The following ABCB7 variants were observed in gnomAD, a reference collection of about 807,000 sequenced individuals.
ABCB7 encodes the protein iron-sulfur clusters transporter ABCB7, mitochondrial.
In ABCB7, 7 loss-of-function variants were observed where a neutral mutation model predicts 54.4. The ratio of observed to expected loss-of-function variants is 0.13; its 90% confidence interval spans 0.07 to 0.24. The LOEUF (loss-of-function observed/expected upper bound fraction) is 0.24, where lower values mean the gene tolerates loss of function less well. Ranked by LOEUF, ABCB7 falls within the 10% of genes least tolerant of loss-of-function variation. The pLI is 1.00. For missense variants in ABCB7, 356 were observed against 570.4 expected, an observed-to-expected ratio of 0.62 and a Z score of 3.83; for synonymous variants, 218 against 207.1, an observed-to-expected ratio of 1.05 and a Z score of -0.45.
At chrX:75,125,825 T>C (rs1602397373) in intron 1 of ABCB7, among the ~76,000 whole-genome samples, 1 of 110,501 alleles carries the variant, frequency 9.0e-6, no homozygotes. Flanking sequence ...TCAAAAAATA[T>C]GGTAAAGCCA....
intron 15 of ABCB7, among the ~76,000 whole-genome samples, chrX:75,058,629 G>A: frequency 9.0e-6 from 1 of 111,647 alleles, no homozygotes; most frequent in Non-Finnish European, 1.9e-5. Flanking sequence ...ATAATAAAGA[G>A]ATTCTTGTTT....
rs183045784 is a variant in ABCB7, at chrX:75,142,434, G to A, written c.168+13671C>T. 2.4e-3 allele frequency among the ~76,000 whole-genome samples: 269 copies of A among 111,583 alleles called. 2 individuals carry two copies. The highest frequency in any genetic ancestry group is 7.9e-3 in the African/African-American group (243 of 30,743). On this transcript the variant is annotated intron_variant, in intron 1 of 15. Transcript: ENST00000373394. The stretch of plus-strand genomic sequence containing the variant: ...TGCAGTTGATTGAATCCACAGATGC[G>A]GAACCCATGGATATGGAGGGCCAAC...
intron 1 of ABCB7, among the ~76,000 whole-genome samples, chrX:75,140,509 T>C (rs1468191310): frequency 2.8e-5 from 3 of 108,474 alleles, no homozygotes; most frequent in Non-Finnish European, 5.6e-5. Flanking sequence ...AAATTCTTCA[T>C]ATTAAAATCA....
Position 75,069,091 on chromosome X carries a change from T to G in ABCB7, c.1575A>C (p.Gln525His). Residue 525 changes from glutamine (Q) to histidine (H), a missense_variant, in exon 12 of 16, where the codon CAA becomes CAC. Gln to His is a conservative substitution (Grantham distance 24, BLOSUM62 0). Coordinates refer to ENST00000373394, the MANE Select transcript of ABCB7 (RefSeq NM_001271696.3). Reference sequence around the variant, plus strand: ...GACCAGCAAGATAAATGCTACCCTTTTGAGGCTCATAGAAGCGAAATAATA... The same window carrying G: ...GACCAGCAAGATAAATGCTACCCTTGTGAGGCTCATAGAAGCGAAATAATA... Reference protein sequence around the residue: ...VRLLFRFYEPQKGSIYLAGQN... With the variant: ...VRLLFRFYEPHKGSIYLAGQN... 2 of 1,209,502 alleles carry G rather than the reference T, an allele frequency of 1.7e-6. No homozygotes were observed. The highest frequency in any genetic ancestry group is 2.2e-6 in the Non-Finnish European group (2 of 893,300).
At chrX:75,064,835 C>T (rs1043678765) in intron 13 of ABCB7, among the ~76,000 whole-genome samples, 1 of 103,003 alleles carries the variant, frequency 9.7e-6, no homozygotes, top group Non-Finnish European at 1.9e-5. Flanking sequence ...TAATATCAAA[C>T]ACCTACAGTG....
At chrX:75,110,835 A>C (rs1272945630) in intron 3 of ABCB7, among the ~76,000 whole-genome samples, 2 of 112,315 alleles carry the variant, frequency 1.8e-5, no homozygotes, top group African/African-American at 6.5e-5. Flanking sequence ...CAAATACTGA[A>C]ATTGCCACTC....
At chrX:75,105,389 A>G (rs1358690427) in intron 3 of ABCB7, among the ~76,000 whole-genome samples, 1 of 111,353 alleles carries the variant, frequency 9.0e-6, no homozygotes, top group Non-Finnish European at 1.9e-5. Flanking sequence ...CAGAGAACCA[A>G]TCAAGAGCTC....
At chrX:75,094,114 T>C (rs1039523946) in intron 4 of ABCB7, among the ~76,000 whole-genome samples, 9 of 103,059 alleles carry the variant, frequency 8.7e-5, no homozygotes, top group Non-Finnish European at 1.7e-4. Flanking sequence ...TCACCTGTTA[T>C]ACTTTATATA....
intron 10 of ABCB7, among the ~76,000 whole-genome samples, 182 bp from the exon 11 acceptor site, chrX:75,069,636 TA>T (rs942835424): frequency 9.0e-6 from 1 of 111,025 alleles, no homozygotes; most frequent in African/African-American, 3.3e-5. Context: ...ATGGCTAAGG[TA>T]AAACAAACCC....
chrX:75,104,047 G>GTTTTTTTTGTTTTTTTTTTTTTTTTT (rs2081664100), intron 3 of ABCB7, among the ~76,000 whole-genome samples: 6 of 13,446 alleles, frequency 4.5e-4, no homozygotes, highest in Non-Finnish European at 1.0e-3. Context: ...TCTTGTTACA[G>GTTTTTTTTGTTTTTTTTTTTTTTTTT]TTTTTTTTTT....
At chrX:75,151,613 G>T (rs1453399371) in intron 1 of ABCB7, among the ~76,000 whole-genome samples, 1 of 111,705 alleles carries the variant, frequency 9.0e-6, no homozygotes, top group Non-Finnish European at 1.9e-5. Context: ...AGTAAACTAG[G>T]ATCACAAAGT....
At chrX:75,064,543 G>A (rs2081303771) in intron 13 of ABCB7, among the ~76,000 whole-genome samples, 1 of 111,088 alleles carries the variant, frequency 9.0e-6, no homozygotes, top group Admixed American at 9.6e-5. Flanking sequence ...AAATGTATAA[G>A]CCTCAAAATA....
intron 1 of ABCB7, among the ~76,000 whole-genome samples, chrX:75,139,964 T>G (rs1355639381): frequency 1.8e-5 from 2 of 111,786 alleles, no homozygotes; most frequent in African/African-American, 6.5e-5. Context: ...TTGTATAGAA[T>G]GTTTAAGACA....
At chrX:75,155,580 T>C (rs1293860446) in intron 1 of ABCB7, among the ~76,000 whole-genome samples, 1 of 111,652 alleles carries the variant, frequency 9.0e-6, no homozygotes, top group African/African-American at 3.3e-5. Context: ...GGGCGGTCTA[T>C]GTTTTGGAAA....
intron 1 of ABCB7, among the ~76,000 whole-genome samples, chrX:75,116,730 G>A (rs1412311254): frequency 1.8e-5 from 2 of 111,174 alleles, no homozygotes; most frequent in East Asian, 2.8e-4. Context: ...AGGCTGAGAC[G>A]TGCTGGGCTA....
At chrX:75,056,676 C>T (rs1189885297) in intron 15 of ABCB7, among the ~76,000 whole-genome samples, 1 of 111,522 alleles carries the variant, frequency 9.0e-6, no homozygotes, top group Non-Finnish European at 1.9e-5. Context: ...AGAGTTGGGA[C>T]ATTTTTTTTA....
intron 15 of ABCB7, 64 bp from the exon 16 acceptor site, chrX:75,053,649 A>G (rs2081213059): frequency 5.2e-6 from 6 of 1,152,491 alleles, no homozygotes; most frequent in Non-Finnish European, 7.0e-6. Flanking sequence ...AACTGAAAAT[A>G]CCAAATACTT....
intron 1 of ABCB7, among the ~76,000 whole-genome samples, chrX:75,143,797 C>T (rs773057834): frequency 7.2e-5 from 8 of 110,470 alleles, no homozygotes; most frequent in South Asian, 7.9e-4. Flanking sequence ...TTCACTATCA[C>T]GAGAACAGCA....
chrX:75,091,196 T>C (rs2081541249), intron 4 of ABCB7, among the ~76,000 whole-genome samples: 1 of 110,169 alleles, frequency 9.1e-6, no homozygotes, highest in Non-Finnish European at 1.9e-5. Flanking sequence ...GATACAAAAA[T>C]CCTCAACAAA....
Sources: gnomAD v4.1 joint callset for allele counts (sites outside exome capture counted in the v4.1 genomes callset) on GRCh38, gnomAD v4.1.1 for gene constraint, MANE v1.5 for transcripts, NCBI Gene and HGNC (gene_info 2026-07-23, HGNC 2026-07-21) for gene names.